The following TPST1 variants were observed in gnomAD, a reference collection of about 807,000 sequenced individuals.
TPST1 encodes the protein protein-tyrosine sulfotransferase 1.
Under a neutral mutation model 34.8 loss-of-function variants are expected in TPST1, and 20 were observed. The observed-to-expected ratio is 0.57, with a 90% CI of 0.40 to 0.84. The LOEUF (loss-of-function observed/expected upper bound fraction) is 0.84. TPST1 is among the 40% of genes least tolerant of loss of function. TPST1 has a pLI of 0.00. For synonymous variants in TPST1, 152 were observed against 159.4 expected (o/e 0.95, Z 0.35); for missense variants, 353 against 455.5 (o/e 0.78, Z 2.05).
At chr7:66,242,191 T>C (rs1359646766) in intron 2 of TPST1, among the ~76,000 whole-genome samples, 2 of 152,136 alleles carry the variant, frequency 1.3e-5, no homozygotes, top group African/African-American at 2.4e-5. Context: ...GAAGAAGAGT[T>C]GGCTATAACT....
intron 2 of TPST1, among the ~76,000 whole-genome samples, chr7:66,264,445 T>C (rs1790550795): frequency 2.0e-5 from 3 of 152,216 alleles, no homozygotes; most frequent in African/African-American, 7.2e-5. Context: ...AGTTAGAAGC[T>C]ACCTGGCTAA....
At chr7:66,233,187 C>G (rs1162331543) in intron 1 of TPST1, among the ~76,000 whole-genome samples, 1 of 151,818 alleles carries the variant, frequency 6.6e-6, no homozygotes, top group Non-Finnish European at 1.5e-5. Flanking sequence ...TCCTTTGAAG[C>G]ACAAAAATTT....
chr7:66,285,178 G>T (rs183177113), intron 2 of TPST1, among the ~76,000 whole-genome samples: 140 of 152,236 alleles, frequency 9.2e-4, no homozygotes, highest in African/African-American at 3.1e-3. Flanking sequence ...AAGTAATACA[G>T]TTTATGCAAT....
intron 3 of TPST1, among the ~76,000 whole-genome samples, chr7:66,307,081 T>C (rs574420648): frequency 7.9e-5 from 12 of 151,966 alleles, no homozygotes; most frequent in Non-Finnish European, 1.2e-4. Context: ...GGAACAACTT[T>C]ATGGGATGTA....
At chr7:66,215,972 C>A (rs1221352643) in intron 1 of TPST1, among the ~76,000 whole-genome samples, 1 of 151,730 alleles carries the variant, frequency 6.6e-6, no homozygotes, top group Non-Finnish European at 1.5e-5. Context: ...GGGGTTTCAC[C>A]GTGTTAGCCA....
At chr7:66,276,062 G>A (rs1790803651) in intron 2 of TPST1, among the ~76,000 whole-genome samples, 1 of 150,840 alleles carries the variant, frequency 6.6e-6, no homozygotes, top group Admixed American at 6.6e-5. Context: ...TAGGTAATTT[G>A]GATACCTATA....
chr7:66,273,190 C>CA lies in TPST1; in HGVS notation c.846-13313dup, dbSNP rs1338218503. ...AAACAATCTCATTCACAATAGCTACCAAAAAAAAGACTTATGAATAAATTT... is the reference window on the plus strand; with the variant it reads ...AAACAATCTCATTCACAATAGCTACCAAAAAAAAAGACTTATGAATAAATTT... On this transcript the variant is annotated intron_variant, in intron 2 of 5. Transcript: ENST00000304842. 5.3e-5 allele frequency among the ~76,000 whole-genome samples: 8 copies of CA among 151,214 alleles called. No homozygotes were observed. The East Asian group carries it at 1.4e-3, about 26-fold the overall frequency.
At chr7:66,315,094 T>C (rs1329785810) in intron 3 of TPST1, among the ~76,000 whole-genome samples, 2 of 152,222 alleles carry the variant, frequency 1.3e-5, no homozygotes, top group African/African-American at 4.8e-5. Context: ...AACACCTAAT[T>C]GTATCTGTTA....
chr7:66,215,768 T>C (rs1266626525), intron 1 of TPST1, among the ~76,000 whole-genome samples: 1 of 128,676 alleles, frequency 7.8e-6, no homozygotes, highest in Non-Finnish European at 1.6e-5. Context: ...GGTTTTTCTT[T>C]TTCTTTCTTT....
At chr7:66,246,159 C>G (rs1790142895) in intron 2 of TPST1, among the ~76,000 whole-genome samples, 1 of 144,936 alleles carries the variant, frequency 6.9e-6, no homozygotes, top group Admixed American at 7.1e-5. Flanking sequence ...ATTACAGGTG[C>G]ATGCCATCAT....
chr7:66,234,430 C>CACACACACACACAG (rs1554342871), intron 1 of TPST1, among the ~76,000 whole-genome samples: 1 of 147,492 alleles, frequency 6.8e-6, no homozygotes, highest in African/African-American at 2.5e-5. Context: ...CACACACACA[C>CACACACACACACAG]AGACACACAC....
At chr7:66,311,286 G>A (rs1791527450) in intron 3 of TPST1, among the ~76,000 whole-genome samples, 3 of 152,140 alleles carry the variant, frequency 2.0e-5, no homozygotes, top group African/African-American at 7.2e-5. Flanking sequence ...CCATAGGCAT[G>A]CACCACTATG....
chr7:66,337,403 G>C (rs532033202), intron 3 of TPST1, among the ~76,000 whole-genome samples: 1 of 149,482 alleles, frequency 6.7e-6, no homozygotes, highest in South Asian at 2.1e-4. Flanking sequence ...TGCACCTCCT[G>C]GGTTGAAGTG....
At chr7:66,261,963 C>T (rs979047296) in intron 2 of TPST1, among the ~76,000 whole-genome samples, 10 of 152,144 alleles carry the variant, frequency 6.6e-5, no homozygotes, top group Non-Finnish European at 1.2e-4. Context: ...GTGTCCATGC[C>T]AGGAGAACCA....
intron 1 of TPST1, among the ~76,000 whole-genome samples, chr7:66,227,073 G>A (rs771889248): frequency 6.3e-5 from 7 of 111,624 alleles, no homozygotes; most frequent in African/African-American, 1.8e-4. Flanking sequence ...TCACTCTGTC[G>A]CCCAAGCTGG....
chr7:66,293,409 G>A (rs530413755), intron 3 of TPST1, among the ~76,000 whole-genome samples: 1 of 152,204 alleles, frequency 6.6e-6, no homozygotes, highest in African/African-American at 2.4e-5. Context: ...AGGCTGAGGT[G>A]GGAGGATTGA....
chr7:66,214,209 A>G (rs1218799698), intron 1 of TPST1, among the ~76,000 whole-genome samples: 1 of 151,986 alleles, frequency 6.6e-6, no homozygotes, highest in African/African-American at 2.4e-5. Context: ...CTCCATCCCT[A>G]GGCAACCACT....
intron 1 of TPST1, among the ~76,000 whole-genome samples, chr7:66,218,525 A>G (rs149710687): frequency 1.0e-3 from 156 of 152,330 alleles, no homozygotes; most frequent in African/African-American, 3.5e-3. Context: ...TAACAAGACA[A>G]TGAAAGTTCA....
chr7:66,341,408 G>C (rs1792234701), intron 3 of TPST1, among the ~76,000 whole-genome samples: 1 of 152,150 alleles, frequency 6.6e-6, no homozygotes, highest in Non-Finnish European at 1.5e-5. Context: ...CTCCCAAGTA[G>C]CTGGGATTGC....
Sources: gnomAD v4.1 joint callset for allele counts (sites outside exome capture counted in the v4.1 genomes callset) on GRCh38, gnomAD v4.1.1 for gene constraint, MANE v1.5 for transcripts, NCBI Gene and HGNC (gene_info 2026-07-23, HGNC 2026-07-21) for gene names.